Variants in PNLIP observed in about 807,000 individuals in gnomAD.
The protein encoded by PNLIP is pancreatic triacylglycerol lipase.
Under a neutral mutation model 57.1 loss-of-function variants are expected in PNLIP, and 49 were observed. The ratio of observed to expected loss-of-function variants is 0.86; its 90% CI spans 0.68 to 1.09. The LOEUF is 1.09. PNLIP is among the 50% of genes least tolerant of loss of function. PNLIP has a pLI of 0.00. For missense variants in PNLIP, 503 were observed against 570.2 expected (o/e 0.88, Z 1.20); for synonymous variants, 209 against 200.4 (o/e 1.04, Z -0.36).
At chr10:116,555,643 A>G in intron 8 of PNLIP, 136 bp downstream of exon 8, 1 of 1,030,660 alleles carries the variant, frequency 9.7e-7, no homozygotes, top group Non-Finnish European at 1.4e-6. Context: ...TATCCATGAG[A>G]TGTAGGTTTT....
chr10:116,548,485 G>T lies in PNLIP; in HGVS notation c.324+3G>T. The T allele has an allele frequency of 6.2e-7, 1 of 1,613,160 alleles. No homozygotes were observed. The highest frequency in any genetic ancestry group is 1.1e-5 in the South Asian group (1 of 90,866). On this transcript the variant is annotated splice_donor_region_variant and intron_variant, in intron 4 of 12. Transcript: ENST00000369221. ...ACTGGCTGGCCAATGTGTGCAAGGT[G>T]AGATGTGGTCATCTCTCAAGGAAAG...
At chr10:116,554,830 C>T (rs1007482010) in intron 6 of PNLIP, among the ~76,000 whole-genome samples, 6 of 152,176 alleles carry the variant, frequency 3.9e-5, no homozygotes, top group Non-Finnish European at 8.8e-5. Flanking sequence ...GTCTCAGTGA[C>T]GTTTGTGAAA....
At chr10:116,562,964 A>C (rs2133208574) in intron 12 of PNLIP, among the ~76,000 whole-genome samples, 1 of 152,350 alleles carries the variant, frequency 6.6e-6, no homozygotes, top group South Asian at 2.1e-4. Flanking sequence ...CAAGTACCTA[A>C]AACTCTAAAA....
rs548191889 is a variant in PNLIP, at chr10:116,556,153, G to T, written c.930+35G>T. On this transcript the variant is annotated intron_variant, in intron 9 of 12. Transcript: ENST00000369221. Reference sequence around the variant, plus strand: ...CTCCACCTTCCGCATAAAGAATTTTGTGACTGTCACTTCTCATGACTGGTG... The same window carrying T: ...CTCCACCTTCCGCATAAAGAATTTTTTGACTGTCACTTCTCATGACTGGTG... The T allele has an allele frequency of 2.5e-6, 3 of 1,202,322 alleles. No individual in the cohort carries two copies. In the East Asian group the frequency reaches 7.0e-5, roughly 28 times the overall value. The allele number at this position is 1,202,322 out of a possible 1,614,324, so 74.5% of individuals were successfully genotyped here.
Position 116,560,298 on chromosome 10 carries a change from C to A in PNLIP, c.1061-118C>A, listed in dbSNP as rs1031362954. 30 of 601,954 alleles carry A rather than the reference C, an allele frequency of 5.0e-5. No homozygotes were observed. In the Admixed American group the frequency reaches 7.9e-4, roughly 16 times the overall value. 37.3% of individuals were successfully genotyped at this position (601,954 alleles called of 1,614,324 possible). On this transcript the variant is annotated intron_variant, in intron 10 of 12. Coordinates refer to ENST00000369221, the MANE Select transcript of PNLIP (RefSeq NM_000936.4). ...AATTACACACACACACACACACACA[C>A]ACACACACACAATTATAAATAAATT...
chr10:116,552,643 T>C (rs1422910047), intron 5 of PNLIP, among the ~76,000 whole-genome samples: 2 of 152,120 alleles, frequency 1.3e-5, no homozygotes, highest in Non-Finnish European at 2.9e-5. Context: ...TCCCAGCACT[T>C]TGGGAGGCCG....
At chr10:116,559,409 A>G (rs1564726908) in intron 10 of PNLIP, 126 bp downstream of exon 10, 9 of 685,992 alleles carry the variant, frequency 1.3e-5, no homozygotes, top group African/African-American at 1.8e-5. Context: ...AGGTGGAAAA[A>G]TGCTCAATGC....
rs1428063263 is a variant in PNLIP, at chr10:116,555,308, C to G, written c.691+11C>G. The G allele has an allele frequency of 6.2e-7, 1 of 1,614,048 alleles. No individual in the cohort carries two copies. The highest frequency in any genetic ancestry group is 1.3e-5 in the African/African-American group (1 of 74,928). On this transcript the variant is annotated intron_variant, in intron 7 of 12. Coordinates refer to ENST00000369221, the MANE Select transcript of PNLIP (RefSeq NM_000936.4). Reference sequence around the variant, plus strand: ...TAGTCCCCAATTTGGGTGAGTTCCTCAACCCGTCCCCCAAAGGGTGTTATA... The same window carrying G: ...TAGTCCCCAATTTGGGTGAGTTCCTGAACCCGTCCCCCAAAGGGTGTTATA...
intron 6 of PNLIP, among the ~76,000 whole-genome samples, chr10:116,554,576 G>A (rs142315210): frequency 6.6e-6 from 1 of 152,310 alleles, no homozygotes; most frequent in East Asian, 1.9e-4. Flanking sequence ...GGATCTGAGA[G>A]GTGATTATTT....
chr10:116,551,748 TA>T (rs896321074), intron 5 of PNLIP, among the ~76,000 whole-genome samples: 3 of 152,220 alleles, frequency 2.0e-5, no homozygotes, highest in African/African-American at 7.2e-5. Context: ...CTCTCCATAG[TA>T]AAACAACAAA....
At chr10:116,555,319 C>G in intron 7 of PNLIP, 22 bp downstream of exon 7, 1 of 1,614,168 alleles carries the variant, frequency 6.2e-7, no homozygotes, top group South Asian at 1.1e-5. Flanking sequence ...AACCCGTCCC[C>G]CAAAGGGTGT....
At chr10:116,562,048 T>A (rs996307202) in intron 12 of PNLIP, among the ~76,000 whole-genome samples, 3 of 152,210 alleles carry the variant, frequency 2.0e-5, no homozygotes, top group Non-Finnish European at 4.4e-5. Flanking sequence ...TCCAAATCAC[T>A]GGTCTTCTTA....
rs573709129 is a variant in PNLIP at position 116,559,780 on chromosome 10, A to C, written c.1060+497A>C. Among the ~76,000 whole-genome samples the C allele has an allele frequency of 6.6e-5, 10 of 152,298 alleles. No homozygotes were observed. The East Asian group carries it at 1.7e-3, about 26-fold the overall frequency. On this transcript the variant is annotated intron_variant, in intron 10 of 12. Transcript: ENST00000369221. ...TTCTTTTCCAAATAACAGAGGAATA[A>C]AATTATTTGGATGAGAGTTAATGGG... is the stretch of plus-strand genomic sequence containing the variant.
In PNLIP at chr10:116,561,555, T is replaced by C. The variant is rs773186160; in HGVS notation, c.1253T>C (p.Ile418Thr). 11 of 1,613,636 alleles carry C rather than the reference T, an allele frequency of 6.8e-6. No individual in the cohort carries two copies. Among genetic ancestry groups the C allele is most frequent in the African/African-American group, 1.3e-5 (1 of 74,924 alleles). ...GGGGACTTGCAGATGGTTAAATTTA[T>C]TTGGTATAACAATGTGATCAACCCA... is the stretch of plus-strand genomic sequence containing the variant. ...DVGDLQMVKF[I>T]WYNNVINPTL... The change falls in exon 12 of 13, where the codon ATT becomes ACT. Residue 418 changes from isoleucine (I) to threonine (T), a missense_variant. Coordinates refer to ENST00000369221, the MANE Select transcript of PNLIP (RefSeq NM_000936.4).
At chr10:116,562,231 T>G (rs1258460288) in intron 12 of PNLIP, among the ~76,000 whole-genome samples, 3 of 152,166 alleles carry the variant, frequency 2.0e-5, no homozygotes, top group Non-Finnish European at 1.5e-5. Flanking sequence ...GCACTGTGCT[T>G]CTGTCATTCT....
intron 5 of PNLIP, among the ~76,000 whole-genome samples, chr10:116,551,878 G>C (rs1021275664): frequency 6.6e-6 from 1 of 152,176 alleles, no homozygotes; most frequent in Non-Finnish European, 1.5e-5. Context: ...TTGACACTGA[G>C]GTTTTTGAAG....
chr10:116,564,331 A>G (rs1373877216), intron 12 of PNLIP, among the ~76,000 whole-genome samples: 2 of 152,214 alleles, frequency 1.3e-5, no homozygotes, highest in Admixed American at 6.5e-5. Flanking sequence ...AAAGAAAAAA[A>G]TAACAGCAAA....
intron 4 of PNLIP, among the ~76,000 whole-genome samples, chr10:116,550,331 T>C (rs1194464551): frequency 6.6e-6 from 1 of 151,592 alleles, no homozygotes; most frequent in Non-Finnish European, 1.5e-5. Flanking sequence ...GTGCTGGGAT[T>C]ACAGGCGTGA....
chr10:116,546,267 C>T (rs191164890), intron 2 of PNLIP, 129 bp downstream of exon 2: 26 of 759,260 alleles, frequency 3.4e-5, no homozygotes, highest in Middle Eastern at 2.4e-4. Context: ...GCACAGGAGA[C>T]GCATAAGAGC....
Sources: gnomAD v4.1 joint callset for allele counts (sites outside exome capture counted in the v4.1 genomes callset) on GRCh38, gnomAD v4.1.1 for gene constraint, MANE v1.5 for transcripts, NCBI Gene and HGNC (gene_info 2026-07-23, HGNC 2026-07-21) for gene names.